The following IL16 variants were observed in gnomAD, a reference collection of about 807,000 sequenced individuals.
IL16 encodes the protein interleukin 16, also known as pro-interleukin-16.
In IL16, 67 loss-of-function variants were observed where a neutral mutation model predicts 110.1. That is an observed-to-expected ratio of 0.61 (90% CI 0.50 to 0.75). The LOEUF is 0.75. IL16 is among the 30% of genes least tolerant of loss of function. The pLI is 0.00. For missense variants in IL16, 1,545 were observed against 1,655.0 expected (o/e 0.93, Z 1.15); for synonymous variants, 689 against 662.9 (o/e 1.04, Z -0.61).
At chr15:81,291,302 G>A (rs1300612544) in intron 11 of IL16, among the ~76,000 whole-genome samples, 1 of 152,136 alleles carries the variant, frequency 6.6e-6, no homozygotes, top group African/African-American at 2.4e-5. Context: ...ATATATGCTC[G>A]GGAAAGCATG....
intron 2 of IL16, among the ~76,000 whole-genome samples, chr15:81,233,658 C>CAT (rs1159376850): frequency 1.3e-5 from 2 of 151,682 alleles, no homozygotes; most frequent in Admixed American, 6.6e-5. Context: ...TATGTGTATG[C>CAT]ATATATATAT....
chr15:81,197,273 A>G, intron 1 of IL16, 121 bp downstream of exon 1: 1 of 557,276 alleles, frequency 1.8e-6, no homozygotes, highest in Non-Finnish European at 2.8e-6. Flanking sequence ...TCATATTTGG[A>G]AGTGGTGCTG....
At chr15:81,299,351 A>G in intron 13 of IL16, 29 bp from the exon 14 acceptor site, 3 of 1,607,544 alleles carry the variant, frequency 1.9e-6, no homozygotes, top group South Asian at 1.1e-5. Flanking sequence ...GATGTAATGC[A>G]CAGCTTTGGC....
At chr15:81,253,093 A>C (rs1020540341) in intron 2 of IL16, among the ~76,000 whole-genome samples, 1 of 152,124 alleles carries the variant, frequency 6.6e-6, no homozygotes, top group African/African-American at 2.4e-5. Context: ...TTCCATCATC[A>C]ATGTAAGAGC....
chr15:81,203,209 T>C (rs1250276845), intron 1 of IL16, among the ~76,000 whole-genome samples: 1 of 151,438 alleles, frequency 6.6e-6, no homozygotes, highest in Non-Finnish European at 1.5e-5. Flanking sequence ...TCATTGTAGA[T>C]TCTGGATATT....
Position 81,292,551 on chromosome 15 carries a change from C to T in IL16, c.1421-5C>T. 6.2e-7 allele frequency: 1 copy of T among 1,608,090 alleles called. No individual in the cohort carries two copies. The highest frequency in any genetic ancestry group is 8.5e-7 in the Non-Finnish European group (1 of 1,175,414). Reference sequence around the variant, plus strand: ...TGTGAAGATTCTCTTGTGCTTCCCACACAGGTGTCAAAAGGCTGGAAAGCA... The same window carrying T: ...TGTGAAGATTCTCTTGTGCTTCCCATACAGGTGTCAAAAGGCTGGAAAGCA... On this transcript the variant is annotated splice_polypyrimidine_tract_variant and splice_region_variant and intron_variant, in intron 11 of 18. Coordinates refer to ENST00000683961, the MANE Select transcript of IL16 (RefSeq NM_172217.5).
chr15:81,197,218 C>T, intron 1 of IL16, 66 bp downstream of exon 1: 1 of 1,103,660 alleles, frequency 9.1e-7, no homozygotes, highest in Non-Finnish European at 1.2e-6. Flanking sequence ...GGAAGCTGGC[C>T]TCTCTGACCT....
rs1217486068 is a variant in IL16 at position 81,182,957 on chromosome 15, A to G, written c.40+61A>G. ...AGGGGAGGTTGGAATGGAGGGGTGG[A>G]CCCTTCCTGACATCCTCCCAGGGGA... On this transcript the variant is annotated intron_variant, in intron 1 of 18. Transcript: ENST00000302987. The G allele has an allele frequency of 3.8e-6, 4 of 1,045,602 alleles. No homozygotes were observed. The African/African-American group carries it at 6.6e-5, about 17-fold the overall frequency. 64.8% of individuals were successfully genotyped at this position (1,045,602 alleles called of 1,614,324 possible). A position where few individuals can be genotyped will look rare whatever the true frequency, so the allele number is the denominator to read the frequency against.
intron 13 of IL16, among the ~76,000 whole-genome samples, chr15:81,297,521 A>AGC (rs1900047665): frequency 1.3e-5 from 2 of 152,246 alleles, no homozygotes; most frequent in Admixed American, 1.3e-4. Flanking sequence ...TGAGGTGGAT[A>AGC]GCAAGGGTGT....
rs1049846842 is a variant in IL16, at chr15:81,290,011, T to A, written c.1333-442T>A. The A allele has an allele frequency of 1.0e-5, 4 of 386,096 alleles. No individual in the cohort carries two copies. The East Asian group carries it at 2.9e-4, about 28-fold the overall frequency. 23.9% of individuals were successfully genotyped at this position (386,096 alleles called of 1,614,324 possible). ...CAAGCCTTTTTGACTCTAGGACTCA[T>A]ACTCTTAACTATTACTCCAAAGTGA... is the stretch of plus-strand genomic sequence containing the variant. On this transcript the variant is annotated intron_variant, in intron 10 of 18. Transcript: ENST00000683961.
rs190391738 is a variant in IL16 at position 81,206,457 on chromosome 15, C to A, written c.-102+9305C>A. Among the ~76,000 whole-genome samples the A allele has an allele frequency of 4.5e-4, 68 of 152,272 alleles. No homozygotes were observed. The East Asian group carries it at 0.011, about 25-fold the overall frequency. The stretch of plus-strand genomic sequence containing the variant: ...AGTTCTTTGTTGACCATAATGACTG[C>A]ATTTTAATATCACATTTGAATATAT... On this transcript the variant is annotated intron_variant, in intron 1 of 18. Transcript: ENST00000683961.
intron 2 of IL16, among the ~76,000 whole-genome samples, chr15:81,248,646 T>C (rs1897650442): frequency 6.6e-6 from 1 of 150,610 alleles, no homozygotes; most frequent in African/African-American, 2.4e-5. Context: ...ATTGATTATA[T>C]TTTCTCATTC....
intron 4 of IL16, among the ~76,000 whole-genome samples, chr15:81,267,270 C>T (rs1898423182): frequency 6.6e-6 from 1 of 152,090 alleles, no homozygotes; most frequent in Non-Finnish European, 1.5e-5. Flanking sequence ...GGAGGCTGTG[C>T]TGAAGAGAAT....
At chr15:81,287,508 C>A (rs922004546) in intron 10 of IL16, among the ~76,000 whole-genome samples, 3 of 152,232 alleles carry the variant, frequency 2.0e-5, no homozygotes, top group African/African-American at 7.2e-5. Flanking sequence ...TTAATATGCA[C>A]CAGGCATGTT....
At chr15:81,209,995 T>G (rs1025377599) in intron 1 of IL16, among the ~76,000 whole-genome samples, 2 of 152,242 alleles carry the variant, frequency 1.3e-5, no homozygotes, top group African/African-American at 4.8e-5. Flanking sequence ...TTTTATAGTT[T>G]GAGATCTTAT....
At position 81,308,767 on chromosome 15, in the gene IL16, C is replaced by A. The variant is rs755539436; in HGVS notation, c.3968C>A (p.Ser1323Tyr). 1.9e-6 allele frequency: 3 copies of A among 1,613,718 alleles called. No individual in the cohort carries two copies. In the East Asian group the frequency reaches 6.7e-5, roughly 36 times the overall value. The change falls in exon 19 of 19, where the codon TCC (serine) becomes TAC (tyrosine). Residue 1323 changes from serine (S) to tyrosine (Y), a missense_variant. By Grantham distance (144) the Ser-to-Tyr change is moderately radical. Around this residue, in one of 3 missense-constraint regions of IL16, gnomAD observed 356 missense variants for 399.3 expected, o/e 0.89. Transcript: ENST00000683961. ...GTCATCAGGAGAAAAAGCCTCCAGT[C>A]CAAGGAAACCACAGCTGCTGGAGAC... is the stretch of plus-strand genomic sequence containing the variant. ...TIVIRRKSLQSKETTAAGDS is the reference protein window; with the variant it reads ...TIVIRRKSLQYKETTAAGDS
At chr15:81,182,776 C>A in exon 1 of IL16, 1 of 807,072 alleles carries the variant, frequency 1.2e-6, no homozygotes, top group Non-Finnish European at 1.8e-6. Flanking sequence ...CGAGAAGCTG[C>A]CATCGATCCT....
In IL16 at chr15:81,282,707, G is replaced by T. The variant is rs780472079; in HGVS notation, c.1150G>T (p.Val384Phe). The T allele has an allele frequency of 6.2e-7, 1 of 1,614,158 alleles. No homozygotes were observed. The stretch of plus-strand genomic sequence containing the variant: ...CTTCCAATGCATCTCTGGCATTTTC[G>T]TCCACACGCTGTCACCAGGATCCGT... ...PYFQCISGIF[V>F]HTLSPGSVAH... Residue 384 changes from valine to phenylalanine, a missense_variant, in exon 9 of 19, where the codon GTC (valine) becomes TTC (phenylalanine). This residue lies in a region of IL16 where 1,185 missense variants were observed against 1,238.8 expected (regional missense o/e 0.96). Coordinates refer to ENST00000683961, the MANE Select transcript of IL16 (RefSeq NM_172217.5).
At chr15:81,232,829 G>A (rs1897055327) in intron 2 of IL16, among the ~76,000 whole-genome samples, 1 of 152,052 alleles carries the variant, frequency 6.6e-6, no homozygotes, top group African/African-American at 2.4e-5. Context: ...TTCCTTTCTG[G>A]TAATGTTTTG....
Sources: gnomAD v4.1 joint callset for allele counts (sites outside exome capture counted in the v4.1 genomes callset) on GRCh38, gnomAD v4.1.1 for gene constraint, gnomAD v4.1.1 regional missense constraint, MANE v1.5 for transcripts, NCBI Gene and HGNC (gene_info 2026-07-23, HGNC 2026-07-21) for gene names.